Variants in GPX6 observed in about 807,000 individuals in gnomAD.
GPX6 encodes glutathione peroxidase 6 (olfactory).
In GPX6, 21 loss-of-function variants were observed where a neutral mutation model predicts 20.0. The observed-to-expected ratio is 1.05, with a 90% CI of 0.74 to 1.51. The LOEUF is 1.51. GPX6 is among the 40% of genes most tolerant of loss of function. The probability of loss-of-function intolerance (pLI) is 0.00; values close to 1 mark genes in which losing one functional copy is unlikely to be tolerated. For missense variants in GPX6, 233 were observed against 254.7 expected, an observed-to-expected ratio of 0.91 and a Z score of 0.58; for synonymous variants, 75 against 98.0, an observed-to-expected ratio of 0.77 and a Z score of 1.38.
intron 1 of GPX6, among the ~76,000 whole-genome samples, chr6:28,512,675 C>T (rs6935046): frequency 2.1e-3 from 315 of 152,306 alleles, no homozygotes; most frequent in African/African-American, 6.5e-3. Flanking sequence ...TTTGTTCTTT[C>T]GCTCTTTGCA....
At position 28,504,178 on chromosome 6, in the gene GPX6, C is replaced by A. The variant is rs1055045322; in HGVS notation, c.*114G>T. 15 of 982,766 alleles carry A rather than the reference C, an allele frequency of 1.5e-5. No homozygotes were observed. Among genetic ancestry groups the A allele is most frequent in the Non-Finnish European group, 2.2e-5 (14 of 644,032 alleles). The allele number at this position is 982,766 out of a possible 1,614,324, so 60.9% of individuals were successfully genotyped here. A position where few individuals can be genotyped will look rare whatever the true frequency, so the allele number is the denominator to read the frequency against. On this transcript the variant is annotated 3_prime_UTR_variant, in exon 5 of 5. Coordinates refer to ENST00000361902, the MANE Select transcript of GPX6 (RefSeq NM_182701.1). ...GGGTAGTACAGGATGGTTTGGTCAT[C>A]AGGAGGCTGGGTAGGCACGAGTGTG... is the stretch of plus-strand genomic sequence containing the variant.
At chr6:28,513,310 AAG>A (rs1360594314) in intron 1 of GPX6, among the ~76,000 whole-genome samples, 4 of 152,176 alleles carry the variant, frequency 2.6e-5, no homozygotes, top group East Asian at 1.9e-4. Context: ...TGGCTGAACT[AAG>A]AGCACCCTGT....
chr6:28,504,183 G>T lies in GPX6; in HGVS notation c.*109C>A. On this transcript the variant is annotated 3_prime_UTR_variant, in exon 5 of 5. Coordinates refer to ENST00000361902, the MANE Select transcript of GPX6 (RefSeq NM_182701.1). ...GTACAGGATGGTTTGGTCATCAGGA[G>T]GCTGGGTAGGCACGAGTGTGGAGCA... 9.5e-7 allele frequency: 1 copy of T among 1,050,766 alleles called. No individual in the cohort carries two copies. The highest frequency in any genetic ancestry group is 1.4e-6 in the Non-Finnish European group (1 of 701,822). The allele number at this position is 1,050,766 out of a possible 1,614,324, so 65.1% of individuals were successfully genotyped here.
At position 28,505,693 on chromosome 6, in the gene GPX6, A is replaced by T; in HGVS notation, c.459+10T>A. 6.2e-7 allele frequency: 1 copy of T among 1,605,370 alleles called. No homozygotes were observed. The highest frequency in any genetic ancestry group is 8.5e-7 in the Non-Finnish European group (1 of 1,172,176). ...GCTAACCCATCCATGCCAGGTTTAT[A>T]CTCATGCACCTTCAGGAAAGTAAAG... On this transcript the variant is annotated intron_variant, in intron 4 of 4. Coordinates refer to ENST00000361902, the MANE Select transcript of GPX6 (RefSeq NM_182701.1).
chr6:28,512,953 C>T (rs1185377637), intron 1 of GPX6, among the ~76,000 whole-genome samples: 1 of 152,016 alleles, frequency 6.6e-6, no homozygotes, highest in Admixed American at 6.6e-5. Context: ...ATCCGAACAT[C>T]AGAAGGAACA....
intron 4 of GPX6, among the ~76,000 whole-genome samples, chr6:28,504,846 GA>G (rs538837489): frequency 8.6e-5 from 13 of 150,674 alleles, no homozygotes; most frequent in East Asian, 1.9e-4. Flanking sequence ...TTCCTTAGCA[GA>G]AAAAAAAAGA....
chr6:28,513,527 T>C (rs1274078819), intron 1 of GPX6, among the ~76,000 whole-genome samples: 2 of 152,138 alleles, frequency 1.3e-5, no homozygotes, highest in Admixed American at 1.3e-4. Context: ...GCTGGTACCT[T>C]GAAAACTCAT....
Position 28,503,906 on chromosome 6 carries a change from T to G in GPX6, c.*386A>C, listed in dbSNP as rs1762779695. 5.7e-6 allele frequency: 1 copy of G among 176,070 alleles called. No individual in the cohort carries two copies. The highest frequency in any genetic ancestry group is 5.8e-5 in the Admixed American group (1 of 17,152). 10.9% of individuals were successfully genotyped at this position (176,070 alleles called of 1,614,324 possible). A position where few individuals can be genotyped will look rare whatever the true frequency, so the allele number is the denominator to read the frequency against. On this transcript the variant is annotated 3_prime_UTR_variant, in exon 5 of 5. Coordinates refer to ENST00000361902, the MANE Select transcript of GPX6 (RefSeq NM_182701.1). The stretch of plus-strand genomic sequence containing the variant: ...AGATGTCACAACTTCTCGGGATTGC[T>G]TTTTTAGGGACACAGGATAGTCTGA...
chr6:28,513,236 A>C (rs934649695), intron 1 of GPX6, among the ~76,000 whole-genome samples: 5 of 152,226 alleles, frequency 3.3e-5, no homozygotes, highest in African/African-American at 4.8e-5. Flanking sequence ...CCTGGGATAC[A>C]GAAAGTCCTC....
Position 28,512,696 on chromosome 6 carries a change from C to G in GPX6, c.88-1792G>C, listed in dbSNP as rs191188889. 1.2e-4 allele frequency among the ~76,000 whole-genome samples: 18 copies of G among 152,206 alleles called. No individual in the cohort carries two copies. In the South Asian group the frequency reaches 2.7e-3, roughly 23 times the overall value. Reference sequence around the variant, plus strand: ...CTTTCGCTCTTTGCAATAAGTCTTGCTGCTGCTCATTCTTGGGGTCCACAC... The same window carrying G: ...CTTTCGCTCTTTGCAATAAGTCTTGGTGCTGCTCATTCTTGGGGTCCACAC... On this transcript the variant is annotated intron_variant, in intron 1 of 4. Transcript: ENST00000361902.
chr6:28,510,979 C>T lies in GPX6; in HGVS notation c.88-75G>A. ...CCAACATTTGTGGACTTTTTCAAAACACTCGAAGACCCTTCATGTAATATC... is the reference window on the plus strand; with the variant it reads ...CCAACATTTGTGGACTTTTTCAAAATACTCGAAGACCCTTCATGTAATATC... On this transcript the variant is annotated intron_variant, in intron 1 of 4. Transcript: ENST00000361902. 3.1e-6 allele frequency: 4 copies of T among 1,283,354 alleles called. No individual in the cohort carries two copies. In the South Asian group the frequency reaches 6.0e-5, roughly 19 times the overall value. 79.5% of individuals were successfully genotyped at this position (1,283,354 alleles called of 1,614,324 possible).
chr6:28,513,921 G>T (rs1299497089), intron 1 of GPX6, among the ~76,000 whole-genome samples: 1 of 152,224 alleles, frequency 6.6e-6, no homozygotes, highest in Non-Finnish European at 1.5e-5. Flanking sequence ...TATCCTTGGA[G>T]AGAAGGAGGC....
At chr6:28,514,046 T>A (rs72844230) in intron 1 of GPX6, among the ~76,000 whole-genome samples, 18,157 of 152,298 alleles carry the variant, frequency 0.12, 1,486 homozygotes, top group East Asian at 0.42. Context: ...GGAGTTATCA[T>A]CTATATGCCT....
chr6:28,509,500 C>T (rs934955241), intron 2 of GPX6, among the ~76,000 whole-genome samples: 1 of 152,178 alleles, frequency 6.6e-6, no homozygotes, highest in African/African-American at 2.4e-5. Context: ...CACCACTGCA[C>T]TCCAGCCTGG....
At position 28,505,708 on chromosome 6, in the gene GPX6, G is replaced by A; in HGVS notation, c.454C>T (p.Leu152=). 1 of 1,613,000 alleles carries A rather than the reference G, an allele frequency of 6.2e-7. No individual in the cohort carries two copies. Among genetic ancestry groups the A allele is most frequent in the Non-Finnish European group, 8.5e-7 (1 of 1,179,044 alleles). The change falls in exon 4 of 5, where the codon CTG becomes TTG. Residue 152 remains leucine (L), a synonymous_variant. Coordinates refer to ENST00000361902, the MANE Select transcript of GPX6 (RefSeq NM_182701.1). ...GEKEQKVFTF[L]KNSCPPTSDL... is the part of the protein sequence containing the mutation. ...CCAGGTTTATACTCATGCACCTTCAGGAAAGTAAAGACCTTCTGTTCTTTT... is the reference window on the plus strand; with the variant it reads ...CCAGGTTTATACTCATGCACCTTCAAGAAAGTAAAGACCTTCTGTTCTTTT...
intron 1 of GPX6, among the ~76,000 whole-genome samples, chr6:28,513,344 C>T (rs1762947738): frequency 6.6e-6 from 1 of 152,176 alleles, no homozygotes; most frequent in African/African-American, 2.4e-5. Context: ...ACTGGGGCTT[C>T]AGTTGTAAAC....
Position 28,503,925 on chromosome 6 carries a change from A to G in GPX6, c.*367T>C, listed in dbSNP as rs963938947. On this transcript the variant is annotated 3_prime_UTR_variant, in exon 5 of 5. Coordinates refer to ENST00000361902, the MANE Select transcript of GPX6 (RefSeq NM_182701.1). ...GATTGCTTTTTTAGGGACACAGGATAGTCTGATTCATCTACCCTAAAATAT... is the reference window on the plus strand; with the variant it reads ...GATTGCTTTTTTAGGGACACAGGATGGTCTGATTCATCTACCCTAAAATAT... 4 of 208,418 alleles carry G rather than the reference A, an allele frequency of 1.9e-5. No homozygotes were observed. The highest frequency in any genetic ancestry group is 3.9e-5 in the Non-Finnish European group (4 of 103,728). The allele number at this position is 208,418 out of a possible 1,614,324, so 12.9% of individuals were successfully genotyped here.
intron 1 of GPX6, 73 bp downstream of exon 1, chr6:28,515,584 C>T (rs1217353034): frequency 9.0e-7 from 1 of 1,117,306 alleles, no homozygotes; most frequent in East Asian, 2.4e-5. Context: ...GAGTAGAGAA[C>T]TCCTTGCAAC....
rs1205591155 is a variant in GPX6 at position 28,510,748 on chromosome 6, T to C, written c.241+3A>G. 1 of 1,612,550 alleles carries C rather than the reference T, an allele frequency of 6.2e-7. No individual in the cohort carries two copies. Among genetic ancestry groups the C allele is most frequent in the East Asian group, 2.2e-5 (1 of 44,858 alleles). ...CCAAAAGAGTTGAAACGTGAGTTCT[T>C]ACCAGGATACTGAGCTGCCAAGCCT... On this transcript the variant is annotated splice_donor_region_variant and intron_variant, in intron 2 of 4. Transcript: ENST00000361902.
Sources: gnomAD v4.1 joint callset for allele counts (sites outside exome capture counted in the v4.1 genomes callset) on GRCh38, gnomAD v4.1.1 for gene constraint, MANE v1.5 for transcripts, NCBI Gene and HGNC (gene_info 2026-07-23, HGNC 2026-07-21) for gene names.